Variants in GGACT observed in about 807,000 individuals in gnomAD.
The protein encoded by GGACT is gamma-glutamylaminecyclotransferase.
For synonymous variants in GGACT, 118 were observed against 115.3 expected, an observed-to-expected ratio of 1.02 and a Z score of -0.15; for missense variants, 241 against 233.2, an observed-to-expected ratio of 1.03 and a Z score of -0.22.
intron 2 of GGACT, among the ~76,000 whole-genome samples, chr13:100,564,728 GAA>G (rs902038321): frequency 1.3e-5 from 2 of 152,170 alleles, no homozygotes; most frequent in African/African-American, 2.4e-5. Flanking sequence ...ATGGCCATTT[GAA>G]AAGTGTGGAA....
intron 2 of GGACT, among the ~76,000 whole-genome samples, chr13:100,552,090 G>A (rs1018811993): frequency 1.3e-5 from 2 of 152,216 alleles, no homozygotes; most frequent in African/African-American, 4.8e-5. Flanking sequence ...GTGTGGTCCA[G>A]GCCAGATCTC....
At chr13:100,550,677 G>T (rs565198401) in intron 2 of GGACT, among the ~76,000 whole-genome samples, 17 of 152,322 alleles carry the variant, frequency 1.1e-4, no homozygotes, top group Non-Finnish European at 1.9e-4. Context: ...CGAGACAGTG[G>T]AATGCCCCGA....
intron 2 of GGACT, among the ~76,000 whole-genome samples, chr13:100,573,798 G>A (rs1189089175): frequency 6.6e-6 from 1 of 150,928 alleles, no homozygotes; most frequent in African/African-American, 2.4e-5. Context: ...ACCCAAAAAA[G>A]CTCATCTTCA....
In GGACT at chr13:100,530,508, A is replaced by ATTTC; in HGVS notation, c.*1618_*1621dup. ...CAGGCTCTGCCAGTAGACTACCAGC[A>ATTTC]TTTCTTTGTGATCCTTTTAAGAGAT... On this transcript the variant is annotated 3_prime_UTR_variant, in exon 3 of 3. Coordinates refer to ENST00000683975, the MANE Select transcript of GGACT (RefSeq NM_001195087.2). 1 of 407,002 alleles carries ATTTC rather than the reference A, an allele frequency of 2.5e-6. No homozygotes were observed. Among genetic ancestry groups the ATTTC allele is most frequent in the South Asian group, 2.3e-5 (1 of 43,690 alleles). The allele number at this position is 407,002 out of a possible 1,614,324, so 25.2% of individuals were successfully genotyped here.
chr13:100,550,139 G>A (rs1269008908), intron 2 of GGACT, among the ~76,000 whole-genome samples: 1 of 152,156 alleles, frequency 6.6e-6, no homozygotes, highest in Non-Finnish European at 1.5e-5. Context: ...CCACATTCCT[G>A]TGAGTCCTGA....
chr13:100,580,929 GT>G (rs1202695920), intron 2 of GGACT, among the ~76,000 whole-genome samples: 2 of 152,208 alleles, frequency 1.3e-5, no homozygotes, highest in African/African-American at 2.4e-5. Context: ...TTCCAACACT[GT>G]GATACACACA....
In GGACT at chr13:100,534,284, G is replaced by A. The variant is rs1204003200; in HGVS notation, c.-10-1683C>T. Among the ~76,000 whole-genome samples the A allele has an allele frequency of 2.0e-5, 3 of 152,192 alleles. No individual in the cohort carries two copies. The highest frequency in any genetic ancestry group is 2.9e-5 in the Non-Finnish European group (2 of 68,040). ...GAAAAACACAAGGCTAGCCAGATAC[G>A]TGCGCCCTGTGGGCCTGGCCATGTG... On this transcript the variant is annotated intron_variant, in intron 2 of 2. Transcript: ENST00000683975. This position sits in a 1 kb window ranked among gnomAD's most constrained non-coding sequence, Gnocchi z 4.9.
rs1356959175 is a variant in GGACT, at chr13:100,545,704, T to C, written c.-10-13103A>G. 2.0e-5 allele frequency among the ~76,000 whole-genome samples: 3 copies of C among 152,254 alleles called. No individual in the cohort carries two copies. The highest frequency in any genetic ancestry group is 7.2e-5 in the African/African-American group (3 of 41,472). On this transcript the variant is annotated intron_variant, in intron 2 of 2. Coordinates refer to ENST00000683975, the MANE Select transcript of GGACT (RefSeq NM_001195087.2). This position sits in a 1 kb window ranked among gnomAD's most constrained non-coding sequence, Gnocchi z 4.4. Reference sequence around the variant, plus strand: ...GCCTGCTGGAATAACACAGCACTCCTGTGAGTGGAGAGCCCAGGAGTGTGG... The same window carrying C: ...GCCTGCTGGAATAACACAGCACTCCCGTGAGTGGAGAGCCCAGGAGTGTGG...
intron 2 of GGACT, among the ~76,000 whole-genome samples, chr13:100,556,136 T>A (rs2088706104): frequency 6.6e-6 from 1 of 152,086 alleles, no homozygotes; most frequent in South Asian, 2.1e-4. Flanking sequence ...GCCAGGCTAA[T>A]AAAGGAAGAA....
At chr13:100,578,103 A>G (rs1875306947) in intron 2 of GGACT, among the ~76,000 whole-genome samples, 1 of 152,188 alleles carries the variant, frequency 6.6e-6, no homozygotes, top group Admixed American at 6.6e-5. Context: ...CATTCATTTG[A>G]TAAGGCGATA....
intron 2 of GGACT, among the ~76,000 whole-genome samples, chr13:100,583,248 A>T (rs1289217106): frequency 6.6e-6 from 1 of 152,204 alleles, no homozygotes; most frequent in Non-Finnish European, 1.5e-5. Flanking sequence ...AGAAACCTTA[A>T]AATGGGCAAG....
intron 1 of GGACT, among the ~76,000 whole-genome samples, chr13:100,585,822 CAAAAAAAAAAAAAAAAAAAAAA>C (rs550006144): frequency 1.4e-3 from 40 of 29,546 alleles, no homozygotes; most frequent in Admixed American, 7.3e-4. Flanking sequence ...CTGTCTCCAC[CAAAAAAAAAAAAAAAAAAAAAA>C]AAAAAAAAAA....
intron 2 of GGACT, among the ~76,000 whole-genome samples, chr13:100,554,821 TAAAC>T (rs1316436658): frequency 6.6e-6 from 1 of 152,058 alleles, no homozygotes; most frequent in Non-Finnish European, 1.5e-5. Context: ...CTTTTATAGG[TAAAC>T]GAGAGAGAGA....
intron 2 of GGACT, among the ~76,000 whole-genome samples, chr13:100,569,431 G>T (rs989660689): frequency 6.6e-6 from 1 of 152,248 alleles, no homozygotes; most frequent in Non-Finnish European, 1.5e-5. Flanking sequence ...TGAAGCAATG[G>T]CCTGACCTTT....
At chr13:100,553,868 A>G (rs545621879) in intron 2 of GGACT, among the ~76,000 whole-genome samples, 3 of 150,322 alleles carry the variant, frequency 2.0e-5, no homozygotes, top group African/African-American at 7.3e-5. Context: ...AAAGGTAGTA[A>G]CAGCCAAAAT....
At position 100,534,508 on chromosome 13, in the gene GGACT, G is replaced by C. The variant is rs1202279536; in HGVS notation, c.-10-1907C>G. 6.6e-6 allele frequency among the ~76,000 whole-genome samples: 1 copy of C among 152,160 alleles called. No individual in the cohort carries two copies. The highest frequency in any genetic ancestry group is 1.5e-5 in the Non-Finnish European group (1 of 68,038). ...GTGAAAATGACAAAAGGCACCAGCTGAGAGCAGCGCTGGTGTCTGGAGAGG... is the reference window on the plus strand; with the variant it reads ...GTGAAAATGACAAAAGGCACCAGCTCAGAGCAGCGCTGGTGTCTGGAGAGG... On this transcript the variant is annotated intron_variant, in intron 2 of 2. Transcript: ENST00000683975. This position sits in a 1 kb window ranked among gnomAD's most constrained non-coding sequence, Gnocchi z 4.9.
intron 2 of GGACT, among the ~76,000 whole-genome samples, chr13:100,581,815 C>T (rs896729888): frequency 1.3e-5 from 2 of 152,146 alleles, no homozygotes; most frequent in Admixed American, 1.3e-4. Context: ...GTGCTTGATA[C>T]GATGTAGCAA....
intron 2 of GGACT, among the ~76,000 whole-genome samples, chr13:100,573,600 G>A (rs937163415): frequency 6.6e-6 from 1 of 151,964 alleles, no homozygotes; most frequent in African/African-American, 2.4e-5. Context: ...CAATCCACAC[G>A]CCTCAGCCTC....
rs61669253 is a variant in GGACT at position 100,550,417 on chromosome 13, T to TACACACAC, written c.-10-17824_-10-17817dup. Among the ~76,000 whole-genome samples, 84 of 72,502 alleles carry TACACACAC rather than the reference T, an allele frequency of 1.2e-3. 3 individuals carry two copies. Among genetic ancestry groups the TACACACAC allele is most frequent in the African/African-American group, 4.2e-3 (51 of 12,212 alleles). 47.6% of individuals were successfully genotyped at this position (72,502 alleles called of 152,430 possible). On this transcript the variant is annotated intron_variant, in intron 2 of 2. Coordinates refer to ENST00000683975, the MANE Select transcript of GGACT (RefSeq NM_001195087.2). ...AATTAAATCCGAGCCGATTATACTC[T>TACACACAC]ACACACACACACACACACACACACA...
Sources: allele counts gnomAD v4.1 joint callset (sites outside exome capture counted in the v4.1 genomes callset), GRCh38; gene constraint gnomAD v4.1.1; non-coding constraint Gnocchi (gnomAD v3.1); transcripts MANE v1.5; gene names NCBI Gene and HGNC (gene_info 2026-07-23, HGNC 2026-07-21).